Variants in MASP1 observed in about 807,000 individuals in gnomAD.
MASP1 encodes the protein MBL associated serine protease 1.
Under a neutral mutation model 77.1 loss-of-function variants are expected in MASP1, and 59 were observed. That is an observed-to-expected ratio of 0.77 (90% CI 0.62 to 0.95). The LOEUF (loss-of-function observed/expected upper bound fraction) is 0.95. Ranked by LOEUF, MASP1 falls within the 40% of genes least tolerant of loss-of-function variation. The pLI is 0.00. For missense variants in MASP1, 885 were observed against 912.9 expected (o/e 0.97, Z 0.39); for synonymous variants, 362 against 354.5 (o/e 1.02, Z -0.24).
At position 187,235,457 on chromosome 3, in the gene MASP1, C is replaced by A. The variant is rs111702337; in HGVS notation, c.*227G>T. The A allele has an allele frequency of 1.3e-6, 2 of 1,515,890 alleles. No homozygotes were observed. Among genetic ancestry groups the A allele is most frequent in the Non-Finnish European group, 1.8e-6 (2 of 1,135,548 alleles). 93.9% of individuals were successfully genotyped at this position (1,515,890 alleles called of 1,614,324 possible). ...ATTACTCGGTAGAGTGAGGCCCAGA[C>A]AGGGAAAGAGACTTGGACAAGCTCA... On this transcript the variant is annotated 3_prime_UTR_variant, in exon 11 of 11. Coordinates refer to ENST00000296280, the MANE Select transcript of MASP1 (RefSeq NM_139125.4).
chr3:187,266,956 G>C (rs1174459012), intron 2 of MASP1, among the ~76,000 whole-genome samples: 1 of 152,222 alleles, frequency 6.6e-6, no homozygotes, highest in Non-Finnish European at 1.5e-5. Flanking sequence ...CTCTCTGCAT[G>C]TCCATAAATT....
intron 13 of MASP1, among the ~76,000 whole-genome samples, chr3:187,223,860 T>C (rs963500004): frequency 2.0e-5 from 3 of 152,256 alleles, no homozygotes; most frequent in African/African-American, 4.8e-5. Context: ...TCCCTAGATC[T>C]GCTTCATACA....
In MASP1 at chr3:187,234,230, G is replaced by A. The variant is rs1712942372; in HGVS notation, c.*1454C>T. 3 of 1,287,232 alleles carry A rather than the reference G, an allele frequency of 2.3e-6. No homozygotes were observed. The highest frequency in any genetic ancestry group is 3.0e-6 in the Non-Finnish European group (3 of 988,700). 79.7% of individuals were successfully genotyped at this position (1,287,232 alleles called of 1,614,324 possible). A position where few individuals can be genotyped will look rare whatever the true frequency, so the allele number is the denominator to read the frequency against. On this transcript the variant is annotated 3_prime_UTR_variant, in exon 11 of 11. Coordinates refer to ENST00000296280, the MANE Select transcript of MASP1 (RefSeq NM_139125.4). ...GTGCCATTCATAGACAAAGGAGTGTGTTTGATGAGCCGGTTGAGAAAGTGG... is the reference window on the plus strand; with the variant it reads ...GTGCCATTCATAGACAAAGGAGTGTATTTGATGAGCCGGTTGAGAAAGTGG...
rs376103924 is a variant in MASP1, at chr3:187,235,652, A to G, written c.*32T>C. 82 of 1,613,004 alleles carry G rather than the reference A, an allele frequency of 5.1e-5. No homozygotes were observed. The highest frequency in any genetic ancestry group is 6.9e-5 in the Non-Finnish European group (81 of 1,180,032). On this transcript the variant is annotated 3_prime_UTR_variant, in exon 11 of 11. Transcript: ENST00000296280. ...TCGGAAGTGCGGTGTAGCTTCGCTCAGGGGAGGCAGGCCCCGAGGAAGTAA... is the reference window on the plus strand; with the variant it reads ...TCGGAAGTGCGGTGTAGCTTCGCTCGGGGGAGGCAGGCCCCGAGGAAGTAA...
Position 187,235,563 on chromosome 3 carries a change from G to C in MASP1, c.*121C>G, listed in dbSNP as rs1171010198. ...GGTCCTGGGGGCTGTCTCGGTAGGA[G>C]AAGCCACCGCTAGGTCAGTGTGTTC... On this transcript the variant is annotated 3_prime_UTR_variant, in exon 11 of 11. Coordinates refer to ENST00000296280, the MANE Select transcript of MASP1 (RefSeq NM_139125.4). 21 of 1,558,346 alleles carry C rather than the reference G, an allele frequency of 1.3e-5. No individual in the cohort carries two copies. The highest frequency in any genetic ancestry group is 1.8e-5 in the Non-Finnish European group (21 of 1,160,766).
rs756218404 is a variant in MASP1, at chr3:187,285,864, G to A, written c.198C>T (p.Asn66=). 1.9e-6 allele frequency: 3 copies of A among 1,614,058 alleles called. No individual in the cohort carries two copies. The highest frequency in any genetic ancestry group is 1.7e-6 in the Non-Finnish European group (2 of 1,180,034). Residue 66 remains asparagine, a synonymous_variant, in exon 2 of 11, where the codon AAC becomes AAT. Transcript: ENST00000296280. The part of the protein sequence containing the change: ...FRIKLYFMHF[N]LESSYLCEYD... ...ATTCACAAAGGTAGGAGGATTCCAA[G>A]TTGAAGTGCATGAAGTAAAGCTTGA... is the stretch of plus-strand genomic sequence containing the variant.
At chr3:187,286,436 A>T (rs1347090791) in intron 1 of MASP1, among the ~76,000 whole-genome samples, 1 of 152,240 alleles carries the variant, frequency 6.6e-6, no homozygotes, top group Non-Finnish European at 1.5e-5. Context: ...AGTAAATGTT[A>T]TCATACTGGG....
intron 2 of MASP1, among the ~76,000 whole-genome samples, chr3:187,267,546 G>T (rs995863869): frequency 3.3e-4 from 51 of 152,252 alleles, no homozygotes; most frequent in Non-Finnish European, 4.0e-4. Context: ...TACAGAGAAA[G>T]AAATGTGTAG....
intron 2 of MASP1, among the ~76,000 whole-genome samples, chr3:187,275,570 T>C (rs2108591359): frequency 6.6e-6 from 1 of 152,308 alleles, no homozygotes; most frequent in African/African-American, 2.4e-5. Context: ...TTTGCTACCC[T>C]GTTGTTAAAT....
rs1175991687 is a variant in MASP1, at chr3:187,260,739, A to G, written c.547+2T>C. On this transcript the variant is annotated splice_donor_variant, in intron 4 of 10. Coordinates refer to ENST00000296280, the MANE Select transcript of MASP1 (RefSeq NM_139125.4). LOFTEE classifies it high-confidence loss of function. ...ATGCATACAATCATTGGTAGGCTCT[A>G]CCTCGGCAGGTCCTGTTGTCTGTGT... The G allele has an allele frequency of 1.2e-6, 2 of 1,614,148 alleles. No homozygotes were observed. The highest frequency in any genetic ancestry group is 1.7e-5 in the Admixed American group (1 of 60,006).
chr3:187,263,733 A>G (rs1206914305), intron 2 of MASP1, among the ~76,000 whole-genome samples: 5 of 152,202 alleles, frequency 3.3e-5, no homozygotes, highest in African/African-American at 9.6e-5. Flanking sequence ...GTTTGCTAAA[A>G]GAATTCCCTT....
intron 6 of MASP1, among the ~76,000 whole-genome samples, chr3:187,252,396 G>C (rs1164834965): frequency 6.6e-6 from 1 of 152,176 alleles, no homozygotes. Context: ...GAAAGACTGT[G>C]ATCATATGCC....
At chr3:187,221,175 G>A (rs1164734715) in intron 14 of MASP1, 4 of 1,472,524 alleles carry the variant, frequency 2.7e-6, no homozygotes, top group Non-Finnish European at 3.8e-6. Flanking sequence ...CCCCGGCTGA[G>A]AAGCCTCTGC....
rs556980206 is a variant in MASP1, at chr3:187,235,140, A to G, written c.*544T>C. ...GTGCTCCAAGGGATCACACTAAGAG[A>G]GAGGGGCTTGGCTATGAGCCATCTC... On this transcript the variant is annotated 3_prime_UTR_variant, in exon 11 of 11. Coordinates refer to ENST00000296280, the MANE Select transcript of MASP1 (RefSeq NM_139125.4). The G allele has an allele frequency of 7.8e-7, 1 of 1,287,488 alleles. No individual in the cohort carries two copies. The highest frequency in any genetic ancestry group is 5.5e-5 in the East Asian group (1 of 18,036). The allele number at this position is 1,287,488 out of a possible 1,614,324, so 79.8% of individuals were successfully genotyped here. A position where few individuals can be genotyped will look rare whatever the true frequency, so the allele number is the denominator to read the frequency against.
chr3:187,220,734 G>A (rs1712008971), intron 15 of MASP1, among the ~76,000 whole-genome samples: 2 of 152,086 alleles, frequency 1.3e-5, no homozygotes, highest in Non-Finnish European at 2.9e-5. Flanking sequence ...CCGACCTCAG[G>A]TGATCCACCC....
chr3:187,266,613 G>A (rs2108572577), intron 2 of MASP1, among the ~76,000 whole-genome samples: 1 of 152,214 alleles, frequency 6.6e-6, no homozygotes, highest in Middle Eastern at 3.4e-3. Context: ...TGTAGGGAGA[G>A]GAAATAGTGA....
intron 2 of MASP1, chr3:187,263,338 A>G (rs1266722721): frequency 6.5e-6 from 1 of 153,864 alleles, no homozygotes; most frequent in Non-Finnish European, 1.4e-5. Context: ...GAAGGACTTT[A>G]TTTTCTTTAT....
At chr3:187,229,039 G>T (rs1712608836) in intron 11 of MASP1, among the ~76,000 whole-genome samples, 1 of 152,180 alleles carries the variant, frequency 6.6e-6, no homozygotes, top group Non-Finnish European at 1.5e-5. Flanking sequence ...TTCCTTGGGG[G>T]TGGGATCCGA....
chr3:187,275,892 C>G (rs761210546), intron 2 of MASP1, among the ~76,000 whole-genome samples: 12 of 151,730 alleles, frequency 7.9e-5, no homozygotes, highest in African/African-American at 2.4e-4. Context: ...AAATGAGATT[C>G]GGGGCATGAA....
Sources: gnomAD v4.1 joint callset for allele counts (sites outside exome capture counted in the v4.1 genomes callset) on GRCh38, gnomAD v4.1.1 for gene constraint, MANE v1.5 for transcripts, NCBI Gene and HGNC (gene_info 2026-07-23, HGNC 2026-07-21) for gene names.